SLC4A8: variants seen among roughly 807,000 people sequenced by gnomAD.
SLC4A8 encodes solute carrier family 4 member 8.
SLC4A8 carries 40 observed loss-of-function variants against 125.0 expected under a neutral mutation model. The observed-to-expected ratio is 0.32, with a 90% CI of 0.25 to 0.42. SLC4A8 has a LOEUF of 0.42. Ranked by LOEUF, SLC4A8 falls within the 10% of genes least tolerant of loss-of-function variation. SLC4A8 has a pLI of 1.00. For missense variants in SLC4A8, 863 were observed against 1,355.1 expected, an observed-to-expected ratio of 0.64 and a Z score of 5.70; for synonymous variants, 456 against 476.0, an observed-to-expected ratio of 0.96 and a Z score of 0.55.
At chr12:51,392,877 G>T (rs879840926) in intron 1 of SLC4A8, 4 of 152,206 alleles carry the variant, frequency 2.6e-5, no homozygotes, top group Non-Finnish European at 4.4e-5. Flanking sequence ...CAGAGAAGGA[G>T]CGCGCATGAC....
At position 51,488,785 on chromosome 12, in the gene SLC4A8, T is replaced by C; in HGVS notation, c.2373T>C (p.Leu791=). 6.2e-7 allele frequency: 1 copy of C among 1,613,556 alleles called. No homozygotes were observed. The highest frequency in any genetic ancestry group is 1.1e-5 in the South Asian group (1 of 91,064). The stretch of plus-strand genomic sequence containing the variant: ...TGATAGCTGCAATTATCCCAGCTCT[T>C]CTCTGTACTATCTTGATATTCATGG... ...WTVIAAIIPA[L]LCTILIFMDQ... The change falls in exon 18 of 25, where the codon CTT becomes CTC. Residue 791 remains leucine (L), a synonymous_variant. Coordinates refer to ENST00000453097, the MANE Select transcript of SLC4A8 (RefSeq NM_001039960.3).
intron 1 of SLC4A8, among the ~76,000 whole-genome samples, chr12:51,402,074 T>C (rs1003461044): frequency 6.6e-6 from 1 of 152,158 alleles, no homozygotes; most frequent in African/African-American, 2.4e-5. Flanking sequence ...GGCCCCTTCG[T>C]ATCTTAACCA....
intron 22 of SLC4A8, chr12:51,498,011 A>G (rs941782918): frequency 1.1e-4 from 17 of 151,888 alleles, no homozygotes; most frequent in African/African-American, 4.1e-4. Context: ...TGATCATGCC[A>G]CTGCACTCCA....
chr12:51,425,002 G>C lies in SLC4A8; in HGVS notation c.15G>C (p.Gly5=). The C allele has an allele frequency of 1.3e-6, 2 of 1,556,518 alleles. No homozygotes were observed. The highest frequency in any genetic ancestry group is 2.4e-5 in the East Asian group (1 of 41,282). The change falls in exon 1 of 25, where the codon GGG becomes GGC. Residue 5 remains glycine, a synonymous_variant. Transcript: ENST00000453097. MPAA[G]SNEPDGVLSY... is the part of the protein sequence containing the mutation. ...TCGGCTCCGCCATGCCGGCCGCCGG[G>C]AGTAACGAGCCGGACGGCGTCCTCA... is the stretch of plus-strand genomic sequence containing the variant.
Position 51,511,723 on chromosome 12 carries a change from G to T in SLC4A8, c.*4285G>T, listed in dbSNP as rs919914021. On this transcript the variant is annotated 3_prime_UTR_variant, in exon 25 of 25. Coordinates refer to ENST00000453097, the MANE Select transcript of SLC4A8 (RefSeq NM_001039960.3). ...TTAAGGAAGTTATTTATCGTCACAA[G>T]TGTTGTCATCTGTGACTCATGGGCC... 1.3e-5 allele frequency: 2 copies of T among 152,300 alleles called. No homozygotes were observed. The highest frequency in any genetic ancestry group is 3.4e-3 in the Middle Eastern group (1 of 294). 9.4% of individuals were successfully genotyped at this position (152,300 alleles called of 1,614,324 possible). A position where few individuals can be genotyped will look rare whatever the true frequency, so the allele number is the denominator to read the frequency against.
At chr12:51,451,673 T>A (rs902506694) in intron 3 of SLC4A8, among the ~76,000 whole-genome samples, 1 of 151,950 alleles carries the variant, frequency 6.6e-6, no homozygotes, top group Non-Finnish European at 1.5e-5. Context: ...AGTGTGTGTG[T>A]GTGAGTATGA....
At chr12:51,465,859 T>A (rs541239485) in intron 11 of SLC4A8, among the ~76,000 whole-genome samples, 1 of 152,296 alleles carries the variant, frequency 6.6e-6, no homozygotes, top group African/African-American at 2.4e-5. Context: ...TAAATGTGAG[T>A]CTTTTTTGTA....
chr12:51,429,333 C>T (rs1234308606), intron 1 of SLC4A8, among the ~76,000 whole-genome samples: 2 of 152,152 alleles, frequency 1.3e-5, no homozygotes, highest in African/African-American at 2.4e-5. Flanking sequence ...TCTTTGTTGC[C>T]TATAACAGTA....
At position 51,445,206 on chromosome 12, in the gene SLC4A8, C is replaced by T. The variant is rs188665227; in HGVS notation, c.130+4417C>T. ...TTTTGTTTTGAGGCAGGGTCTCACT[C>T]TGTCGCCCAGACTGAGTGCAGTAGT... On this transcript the variant is annotated intron_variant, in intron 2 of 24. Coordinates refer to ENST00000453097, the MANE Select transcript of SLC4A8 (RefSeq NM_001039960.3). Among the ~76,000 whole-genome samples, 7 of 152,292 alleles carry T rather than the reference C, an allele frequency of 4.6e-5. No individual in the cohort carries two copies. In the East Asian group the frequency reaches 1.4e-3, roughly 29 times the overall value.
At chr12:51,471,227 ACTCCTTGT>A in intron 13 of SLC4A8, 52 bp from the exon 14 acceptor site, 1 of 1,520,342 alleles carries the variant, frequency 6.6e-7, no homozygotes, top group Non-Finnish European at 8.9e-7. Flanking sequence ...CACATTTCTG[ACTCCTTGT>A]CTCTTAATGC....
chr12:51,491,334 TG>T (rs1951312448), intron 19 of SLC4A8, among the ~76,000 whole-genome samples: 1 of 151,894 alleles, frequency 6.6e-6, no homozygotes, highest in Non-Finnish European at 1.5e-5. Context: ...AAAAGAGAAG[TG>T]GGACATAAGA....
chr12:51,461,851 G>C (rs1398225340), intron 9 of SLC4A8: 1 of 202,776 alleles, frequency 4.9e-6, no homozygotes, highest in Non-Finnish European at 1.0e-5. Flanking sequence ...TTAGGCGGCA[G>C]AGGGAGGTGT....
At chr12:51,471,137 G>A (rs755365710) in intron 13 of SLC4A8, 150 bp from the exon 14 acceptor site, 71 of 757,738 alleles carry the variant, frequency 9.4e-5, no homozygotes, top group Non-Finnish European at 1.4e-4. Flanking sequence ...AACTGTGCCA[G>A]AGCACTATTT....
At chr12:51,391,869 G>C (rs1373113351) in intron 1 of SLC4A8, 1 of 152,314 alleles carries the variant, frequency 6.6e-6, no homozygotes, top group African/African-American at 2.4e-5. Context: ...CAGGCTTTCA[G>C]CGCGGAAAAA....
intron 19 of SLC4A8, among the ~76,000 whole-genome samples, chr12:51,492,456 C>T (rs1009392721): frequency 2.6e-5 from 4 of 152,142 alleles, no homozygotes; most frequent in African/African-American, 9.7e-5. Flanking sequence ...CTCCCACTCC[C>T]ACCTGGTTGA....
At chr12:51,394,741 G>A (rs1206446430) in intron 1 of SLC4A8, among the ~76,000 whole-genome samples, 1 of 152,236 alleles carries the variant, frequency 6.6e-6, no homozygotes, top group East Asian at 1.9e-4. Flanking sequence ...CGGGTATTAT[G>A]CTTATTACCT....
Position 51,509,901 on chromosome 12 carries a change from A to C in SLC4A8, c.*2463A>C, listed in dbSNP as rs1938302460. ...AAGATTGTGAGTGAAGATGGGAAGG[A>C]ATTTGGGTGGTTTTGCCACGAGGTG... On this transcript the variant is annotated 3_prime_UTR_variant, in exon 25 of 25. Transcript: ENST00000453097. The C allele has an allele frequency of 6.6e-6, 1 of 152,188 alleles. No individual in the cohort carries two copies. 9.4% of individuals were successfully genotyped at this position (152,188 alleles called of 1,614,324 possible).
At chr12:51,440,814 C>G (rs779310975) in intron 2 of SLC4A8, 25 bp downstream of exon 2, 2 of 1,583,312 alleles carry the variant, frequency 1.3e-6, no homozygotes, top group Admixed American at 1.9e-5. Context: ...GCTGTGTGAT[C>G]AGGGAAATTG....
chr12:51,461,359 C>A, intron 9 of SLC4A8, 68 bp downstream of exon 9: 2 of 918,508 alleles, frequency 2.2e-6, no homozygotes, highest in Non-Finnish European at 3.6e-6. Flanking sequence ...CTGTGCCAGG[C>A]AATATGCTAG....
Sources: allele counts gnomAD v4.1 joint callset (sites outside exome capture counted in the v4.1 genomes callset), GRCh38; gene constraint gnomAD v4.1.1; transcripts MANE v1.5; gene names NCBI Gene and HGNC (gene_info 2026-07-23, HGNC 2026-07-21).